The following ANGPT1 variants were observed in gnomAD, a reference collection of about 807,000 sequenced individuals.
The protein encoded by ANGPT1 is angiopoietin 1.
Under a neutral mutation model 62.2 loss-of-function variants are expected in ANGPT1, and 17 were observed. That is an observed-to-expected ratio of 0.27 (90% confidence interval 0.19 to 0.41). The LOEUF is 0.41. Among genes scored for constraint, ANGPT1 ranks in the 10% least tolerant of loss-of-function variants. The pLI is 1.00. For synonymous variants in ANGPT1, 199 were observed against 198.9 expected, an observed-to-expected ratio of 1.00 and a Z score of 0.00; for missense variants, 478 against 594.9, an observed-to-expected ratio of 0.80 and a Z score of 2.04.
At chr8:107,446,273 A>G (rs942771163) in intron 1 of ANGPT1, among the ~76,000 whole-genome samples, 1 of 152,224 alleles carries the variant, frequency 6.6e-6, no homozygotes. Flanking sequence ...CAGAAATATA[A>G]AAGTATTTGT....
chr8:107,319,067 A>C (rs139128862), intron 4 of ANGPT1, among the ~76,000 whole-genome samples: 8 of 152,198 alleles, frequency 5.3e-5, no homozygotes, highest in Non-Finnish European at 8.8e-5. Context: ...TAATGAATGT[A>C]CTTAACTGAA....
chr8:107,489,597 C>T (rs1303394226), intron 1 of ANGPT1, among the ~76,000 whole-genome samples: 1 of 152,132 alleles, frequency 6.6e-6, no homozygotes, highest in Non-Finnish European at 1.5e-5. Context: ...ATCTAAAGCT[C>T]TCTCACTTCT....
chr8:107,387,268 T>C (rs1220181816), intron 1 of ANGPT1, among the ~76,000 whole-genome samples: 2 of 152,108 alleles, frequency 1.3e-5, no homozygotes, highest in African/African-American at 4.8e-5. Flanking sequence ...GAAGATATTC[T>C]CCAAGTTCAG....
intron 2 of ANGPT1, among the ~76,000 whole-genome samples, chr8:107,344,457 G>A (rs1261507645): frequency 2.0e-5 from 3 of 152,180 alleles, no homozygotes; most frequent in African/African-American, 4.8e-5. Flanking sequence ...TGCCACCATG[G>A]CCAGCAGAGT....
intron 7 of ANGPT1, among the ~76,000 whole-genome samples, chr8:107,278,032 G>A (rs1813906071): frequency 6.6e-6 from 1 of 151,526 alleles, no homozygotes; most frequent in Non-Finnish European, 1.5e-5. Flanking sequence ...TATTTCTTGG[G>A]CATGATAAAA....
intron 8 of ANGPT1, among the ~76,000 whole-genome samples, chr8:107,261,207 A>T (rs1453307022): frequency 6.6e-6 from 1 of 152,150 alleles, no homozygotes; most frequent in Non-Finnish European, 1.5e-5. Context: ...TTATGAGATC[A>T]GGGAAGTAAT....
At chr8:107,252,362 GA>G (rs1006776342) in intron 8 of ANGPT1, among the ~76,000 whole-genome samples, 11 of 152,086 alleles carry the variant, frequency 7.2e-5, no homozygotes, top group African/African-American at 1.2e-4. Context: ...ATGCAATAAG[GA>G]AAATGCATAT....
intron 4 of ANGPT1, among the ~76,000 whole-genome samples, chr8:107,308,457 T>G (rs958474533): frequency 6.6e-6 from 1 of 152,154 alleles, no homozygotes; most frequent in Non-Finnish European, 1.5e-5. Context: ...AAGGCTATAA[T>G]GTCACCAGTT....
chr8:107,340,757 G>A (rs1044778247), intron 2 of ANGPT1, among the ~76,000 whole-genome samples: 3 of 151,318 alleles, frequency 2.0e-5, no homozygotes, highest in Non-Finnish European at 4.4e-5. Context: ...GCCTCCTAAC[G>A]TGCTGGGATA....
chr8:107,284,587 G>T, intron 7 of ANGPT1, 95 bp downstream of exon 7: 2 of 1,152,220 alleles, frequency 1.7e-6, no homozygotes. Context: ...TCATTTTGAA[G>T]GATGATTTTC....
At chr8:107,479,997 A>T (rs1204331775) in intron 1 of ANGPT1, among the ~76,000 whole-genome samples, 1 of 152,212 alleles carries the variant, frequency 6.6e-6, no homozygotes, top group Non-Finnish European at 1.5e-5. Context: ...GCAATAAAAA[A>T]ATTTGCCTAA....
intron 1 of ANGPT1, among the ~76,000 whole-genome samples, chr8:107,495,155 T>G (rs1190552259): frequency 1.3e-5 from 2 of 152,224 alleles, no homozygotes; most frequent in Non-Finnish European, 2.9e-5. Context: ...GCTGAATGCA[T>G]TTTTTGGTTT....
chr8:107,301,213 G>C (rs911368531), intron 5 of ANGPT1, among the ~76,000 whole-genome samples: 5 of 151,824 alleles, frequency 3.3e-5, no homozygotes, highest in Non-Finnish European at 5.9e-5. Flanking sequence ...ATTATTTTTC[G>C]ATTCATTTAT....
intron 1 of ANGPT1, among the ~76,000 whole-genome samples, chr8:107,358,783 G>C (rs1816102565): frequency 6.6e-6 from 1 of 152,172 alleles, no homozygotes; most frequent in Non-Finnish European, 1.5e-5. Context: ...TTATTGGAAA[G>C]TCTAAATCCT....
intron 1 of ANGPT1, among the ~76,000 whole-genome samples, chr8:107,460,631 C>G (rs67737599): frequency 0.17 from 25,213 of 152,084 alleles, 2,384 homozygotes; most frequent in African/African-American, 0.24. Flanking sequence ...GCAACAAACA[C>G]ACACAAATAT....
intron 1 of ANGPT1, among the ~76,000 whole-genome samples, chr8:107,436,302 C>T (rs898376116): frequency 6.6e-6 from 1 of 152,212 alleles, no homozygotes; most frequent in Non-Finnish European, 1.5e-5. Flanking sequence ...AATCCTAAGA[C>T]TTCATGTCAA....
intron 4 of ANGPT1, among the ~76,000 whole-genome samples, chr8:107,312,150 A>G (rs530697572): frequency 2.0e-5 from 3 of 152,196 alleles, no homozygotes; most frequent in Admixed American, 2.0e-4. Flanking sequence ...TAATCAAGTA[A>G]TCTTTCATTT....
At chr8:107,379,758 C>A (rs1816598508) in intron 1 of ANGPT1, among the ~76,000 whole-genome samples, 1 of 152,098 alleles carries the variant, frequency 6.6e-6, no homozygotes, top group African/African-American at 2.4e-5. Context: ...TATTTCAGAG[C>A]AGGTGCACTG....
chr8:107,278,066 C>T (rs1247568860), intron 7 of ANGPT1, among the ~76,000 whole-genome samples: 1 of 150,780 alleles, frequency 6.6e-6, no homozygotes, highest in African/African-American at 2.4e-5. Context: ...AGTCTGTTTG[C>T]TCTTTTCTTT....
Sources: gnomAD v4.1 joint callset for allele counts (sites outside exome capture counted in the v4.1 genomes callset) on GRCh38, gnomAD v4.1.1 for gene constraint, MANE v1.5 for transcripts, NCBI Gene and HGNC (gene_info 2026-07-23, HGNC 2026-07-21) for gene names.